LZTS2: variants seen among roughly 807,000 people sequenced by gnomAD.
The protein encoded by LZTS2 is leucine zipper tumor suppressor 2.
LZTS2 carries 32 observed loss-of-function variants against 60.6 expected under a neutral mutation model. That is an observed-to-expected ratio of 0.53 (90% CI 0.40 to 0.71). LZTS2 has a LOEUF of 0.71. Among genes scored for constraint, LZTS2 ranks in the 30% least tolerant of loss-of-function variants. The pLI is 0.00. For missense variants in LZTS2, 792 were observed against 901.9 expected, an observed-to-expected ratio of 0.88 and a Z score of 1.56; for synonymous variants, 360 against 393.1, an observed-to-expected ratio of 0.92 and a Z score of 1.00.
exon 1 of LZTS2, chr10:101,002,161 G>A (rs191146654): frequency 2.2e-3 from 395 of 180,678 alleles, no homozygotes; most frequent in South Asian, 6.7e-3. Context: ...GGTAGAGAAG[G>A]CCCCTCCCTC....
At chr10:101,004,165 A>G in exon 2 of LZTS2, 1 of 1,594,200 alleles carries the variant, frequency 6.3e-7, no homozygotes, top group Non-Finnish European at 8.6e-7. Context: ...ACCATGTGCC[A>G]GGTGTGGTCA....
At position 101,002,902 on chromosome 10, in the gene LZTS2, G is replaced by A. The variant is rs772047450; in HGVS notation, c.364G>A (p.Gly122Ser). 12 of 1,613,194 alleles carry A rather than the reference G, an allele frequency of 7.4e-6. No individual in the cohort carries two copies. Among genetic ancestry groups the A allele is most frequent in the South Asian group, 3.3e-5 (3 of 91,052 alleles). ...GCGGGCACACAATGCCCACCTCCGCGGCCCACCACCAAAGCTCATCCCTGT... is the reference window on the plus strand; with the variant it reads ...GCGGGCACACAATGCCCACCTCCGCAGCCCACCACCAAAGCTCATCCCTGT... Residue 122 changes from glycine (G) to serine (S), a missense_variant, in exon 1 of 4, where the codon GGC becomes AGC. By Grantham distance (56) the Gly-to-Ser change is moderately conservative (BLOSUM62 0). Coordinates refer to ENST00000370220, the Ensembl canonical transcript of LZTS2.
exon 1 of LZTS2, chr10:101,002,505 C>A: frequency 6.7e-7 from 1 of 1,495,844 alleles, no homozygotes; most frequent in Non-Finnish European, 8.9e-7. Context: ...AGGTCGCCTG[C>A]GAGGCCGCTG....
chr10:101,007,024 C>A (rs1442540668), exon 4 of LZTS2: 2 of 1,582,344 alleles, frequency 1.3e-6, no homozygotes, highest in African/African-American at 2.7e-5. Context: ...ACAACTACAT[C>A]CAGATGTACC....
At chr10:101,007,398 C>G (rs14177) in exon 4 of LZTS2, 366,250 of 1,422,692 alleles carry the variant, frequency 0.26, 50,346 homozygotes, top group East Asian at 0.56. Flanking sequence ...CCCAGAGGCT[C>G]TTGTTACTAC....
At chr10:100,998,603 A>C (rs1034603354), upstream of LZTS2, 2 of 151,908 alleles carry the variant, frequency 1.3e-5, no homozygotes, top group African/African-American at 2.4e-5. Context: ...TTAGGGGAGA[A>C]AGGCTGCCTT....
At chr10:101,004,209 T>C (rs556912140) in intron 2 of LZTS2, 43 bp downstream of exon 3, 2 of 1,550,884 alleles carry the variant, frequency 1.3e-6, no homozygotes, top group East Asian at 4.6e-5. Context: ...TGGCAGGACA[T>C]CCCAAGGCCC....
chr10:101,006,950 G>C, exon 4 of LZTS2: 2 of 1,547,578 alleles, frequency 1.3e-6, no homozygotes, highest in Non-Finnish European at 1.7e-6. Flanking sequence ...CAGCTTTGAG[G>C]GGGAGCGGCT....
At chr10:100,997,565 C>T (rs1851941588), upstream of LZTS2, among the ~76,000 whole-genome samples, 1 of 150,192 alleles carries the variant, frequency 6.7e-6, no homozygotes, top group Non-Finnish European at 1.5e-5. Context: ...ACTCTGCGGT[C>T]GCGTATTGGG....
exon 1 of LZTS2, chr10:101,002,416 CAAG>C: frequency 1.1e-6 from 1 of 892,474 alleles, no homozygotes; most frequent in Non-Finnish European, 1.6e-6. Flanking sequence ...TTACTGATGT[CAAG>C]GAGGTGTTTG....
exon 4 of LZTS2, chr10:101,007,669 A>C: frequency 9.3e-7 from 1 of 1,081,022 alleles, no homozygotes; most frequent in Non-Finnish European, 1.1e-6. Context: ...CTGAAGTCAG[A>C]CCAAAGGAAG....
chr10:101,005,904 G>A (rs142011500), intron 3 of LZTS2, among the ~76,000 whole-genome samples, 189 bp downstream of exon 4: 7 of 152,326 alleles, frequency 4.6e-5, no homozygotes, highest in East Asian at 3.9e-4. Context: ...CTAGTGGCAC[G>A]TAGCCACGCT....
exon 4 of LZTS2, chr10:101,006,615 G>T: frequency 6.2e-7 from 1 of 1,600,466 alleles, no homozygotes; most frequent in East Asian, 2.3e-5. Context: ...GCTACGCTGC[G>T]GGTCAGTGAG....
rs1449846093 is a variant in LZTS2, at chr10:101,006,776, C to T, written c.1618C>T (p.Pro540Ser). The change falls in exon 4 of 4, where the codon CCC becomes TCC. Residue 540 changes from proline to serine, a missense_variant. By Grantham distance (74) the Pro-to-Ser change is moderately conservative. Coordinates refer to ENST00000370220, the Ensembl canonical transcript of LZTS2. Reference sequence around the variant, plus strand: ...TGCTGAGGCGGCCGGACTCCGGGAGCCCCCTGTGCCACCTGCCACCGCTGA... The same window carrying T: ...TGCTGAGGCGGCCGGACTCCGGGAGTCCCCTGTGCCACCTGCCACCGCTGA... 1.9e-6 allele frequency: 3 copies of T among 1,555,096 alleles called. No homozygotes were observed. The highest frequency in any genetic ancestry group is 2.6e-6 in the Non-Finnish European group (3 of 1,150,160).
At chr10:100,999,950 G>C (rs2133961671) in exon 1 of LZTS2, 1 of 153,072 alleles carries the variant, frequency 6.5e-6, no homozygotes, top group Non-Finnish European at 1.5e-5. Flanking sequence ...CAGCGCGGCG[G>C]AGGTGAGGGG....
chr10:100,996,791 C>T (rs1156523218), upstream of LZTS2: 2 of 152,266 alleles, frequency 1.3e-5, no homozygotes, highest in African/African-American at 2.4e-5. Flanking sequence ...GGGTTGGGCT[C>T]CCATCGGAGC....
At chr10:101,004,232 G>A (rs889536511) in intron 2 of LZTS2, 66 bp downstream of exon 3, 8 of 1,508,482 alleles carry the variant, frequency 5.3e-6, no homozygotes, top group South Asian at 5.3e-5. Context: ...GGATGCAAGC[G>A]GCATTTCCAT....
At chr10:101,004,286 C>G in intron 2 of LZTS2, 120 bp downstream of exon 3, 1 of 1,102,436 alleles carries the variant, frequency 9.1e-7, no homozygotes, top group Non-Finnish European at 1.3e-6. Context: ...TGTGACCCCC[C>G]TGCCCTCCCC....
chr10:101,004,264 G>A lies in LZTS2; in HGVS notation c.1068+98G>A, dbSNP rs550266853. On this transcript the variant is annotated intron_variant, in intron 2 of 3. Coordinates refer to ENST00000370220, the Ensembl canonical transcript of LZTS2. Reference sequence around the variant, plus strand: ...CCATTTTGGCAGGGAACGGGGGTTGGGTAGTTGTAGTTGTGACCCCCCTGC... The same window carrying A: ...CCATTTTGGCAGGGAACGGGGGTTGAGTAGTTGTAGTTGTGACCCCCCTGC... 2.5e-4 allele frequency: 340 copies of A among 1,383,096 alleles called. 1 individual carries two copies. The highest frequency in any genetic ancestry group is 1.9e-3 in the Middle Eastern group (9 of 4,820). The allele number at this position is 1,383,096 out of a possible 1,614,324, so 85.7% of individuals were successfully genotyped here.
Sources: gnomAD v4.1 joint callset for allele counts (sites outside exome capture counted in the v4.1 genomes callset) on GRCh38, gnomAD v4.1.1 for gene constraint, MANE v1.5 for transcripts, NCBI Gene and HGNC (gene_info 2026-07-23, HGNC 2026-07-21) for gene names.